DENND1B: variants seen among roughly 807,000 people sequenced by gnomAD.
The protein encoded by DENND1B is DENN domain containing 1B.
Under a neutral mutation model 90.1 loss-of-function variants are expected in DENND1B, and 59 were observed. The observed-to-expected ratio is 0.65, with a 90% CI of 0.53 to 0.81. DENND1B has a LOEUF of 0.81. Ranked by LOEUF, DENND1B falls within the 40% of genes least tolerant of loss-of-function variation. The pLI is 0.00. For missense variants in DENND1B, 862 were observed against 912.6 expected, an observed-to-expected ratio of 0.94 and a Z score of 0.71; for synonymous variants, 337 against 324.6, an observed-to-expected ratio of 1.04 and a Z score of -0.41.
Position 197,595,283 on chromosome 1 carries a change from A to G in DENND1B, c.972T>C (p.Asp324=). ...KLKKQSTATG[D]GVARAFLRAQ... ...CTCTAAGAAAGGCCCTAGCTACTCC[A>G]TCACCCGTAGCTGTAGACTGCTTCT... Residue 324 remains aspartate, a synonymous_variant, in exon 14 of 23, where the codon GAT becomes GAC. Coordinates refer to ENST00000620048, the MANE Select transcript of DENND1B (RefSeq NM_001195215.2). The G allele has an allele frequency of 6.2e-7, 1 of 1,613,336 alleles. No individual in the cohort carries two copies. The highest frequency in any genetic ancestry group is 8.5e-7 in the Non-Finnish European group (1 of 1,179,390).
At chr1:197,746,116 G>C (rs1333252320) in intron 2 of DENND1B, among the ~76,000 whole-genome samples, 1 of 152,218 alleles carries the variant, frequency 6.6e-6, no homozygotes, top group Non-Finnish European at 1.5e-5. Flanking sequence ...TACAAGGCCA[G>C]CATGTTTGCT....
At chr1:197,780,221 C>T (rs1018433917), upstream of DENND1B, among the ~76,000 whole-genome samples, 1 of 151,992 alleles carries the variant, frequency 6.6e-6, no homozygotes, top group African/African-American at 2.4e-5. Flanking sequence ...GGATTTCCCA[C>T]ATTAGGAAGG....
chr1:197,748,836 G>T (rs1015883437), intron 2 of DENND1B, among the ~76,000 whole-genome samples: 1 of 152,056 alleles, frequency 6.6e-6, no homozygotes, highest in African/African-American at 2.4e-5. Flanking sequence ...ATGGTAATTT[G>T]TTATGGCAAA....
chr1:197,690,159 G>T, intron 3 of DENND1B: 1 of 280,674 alleles, frequency 3.6e-6, no homozygotes. Context: ...AGCTTTGAGT[G>T]AAGCTCTTCC....
At chr1:197,647,296 C>T (rs1680806361) in intron 7 of DENND1B, among the ~76,000 whole-genome samples, 182 bp from the exon 8 acceptor site, 1 of 151,962 alleles carries the variant, frequency 6.6e-6, no homozygotes, top group Non-Finnish European at 1.5e-5. Flanking sequence ...TAGAAAAATC[C>T]TAATGAAAGT....
intron 10 of DENND1B, among the ~76,000 whole-genome samples, chr1:197,642,333 C>A (rs913249008): frequency 6.6e-6 from 1 of 152,114 alleles, no homozygotes; most frequent in African/African-American, 2.4e-5. Context: ...AGGATAGCAG[C>A]TATTATCATG....
intron 20 of DENND1B, 119 bp from the exon 21 acceptor site, chr1:197,513,072 G>A (rs1668145082): frequency 2.7e-6 from 2 of 730,710 alleles, no homozygotes; most frequent in African/African-American, 1.8e-5. Flanking sequence ...ATGCATTCAG[G>A]GTTTTTGAAT....
At position 197,586,528 on chromosome 1, in the gene DENND1B, T is replaced by A. The variant is rs563093307; in HGVS notation, c.1048-3275A>T. On this transcript the variant is annotated intron_variant, in intron 14 of 22. Transcript: ENST00000620048. Reference sequence around the variant, plus strand: ...AACCACTGATATCGACAGTAACAAGTAGGGGTCAAAGGTGACTTCCAGATT... The same window carrying A: ...AACCACTGATATCGACAGTAACAAGAAGGGGTCAAAGGTGACTTCCAGATT... Among the ~76,000 whole-genome samples, 39 of 152,210 alleles carry A rather than the reference T, an allele frequency of 2.6e-4. No homozygotes were observed. The South Asian group carries it at 8.1e-3, about 32-fold the overall frequency.
chr1:197,619,627 C>T (rs954216555), intron 10 of DENND1B, among the ~76,000 whole-genome samples: 6 of 151,130 alleles, frequency 4.0e-5, no homozygotes, highest in Non-Finnish European at 8.9e-5. Flanking sequence ...TTTAATACCT[C>T]ACTTTATTTC....
At chr1:197,690,566 A>T in intron 3 of DENND1B, 1 of 233,778 alleles carries the variant, frequency 4.3e-6, no homozygotes, top group South Asian at 7.2e-5. Context: ...TCTTCAAAGC[A>T]GTGGACAAGA....
chr1:197,595,588 G>C (rs781751963), intron 13 of DENND1B, among the ~76,000 whole-genome samples: 1 of 151,988 alleles, frequency 6.6e-6, no homozygotes, highest in Non-Finnish European at 1.5e-5. Context: ...ACATAAATAA[G>C]CTTTAATTAT....
intron 5 of DENND1B, among the ~76,000 whole-genome samples, chr1:197,661,280 A>C (rs1353523369): frequency 6.6e-6 from 1 of 152,112 alleles, no homozygotes; most frequent in Non-Finnish European, 1.5e-5. Flanking sequence ...GCAAATCAGC[A>C]CATCATAGTT....
At chr1:197,527,318 G>GT (rs961863029) in intron 20 of DENND1B, among the ~76,000 whole-genome samples, 24 of 148,232 alleles carry the variant, frequency 1.6e-4, no homozygotes, top group Admixed American at 5.4e-4. Flanking sequence ...TTTTGTTTTT[G>GT]TTTTTTTTCT....
chr1:197,594,438 A>C (rs1215793929), intron 14 of DENND1B, among the ~76,000 whole-genome samples: 1 of 152,174 alleles, frequency 6.6e-6, no homozygotes, highest in South Asian at 2.1e-4. Flanking sequence ...AAATGGGTCA[A>C]GGTTACGCAG....
intron 10 of DENND1B, among the ~76,000 whole-genome samples, chr1:197,626,847 T>C (rs973736648): frequency 1.3e-5 from 2 of 151,888 alleles, no homozygotes; most frequent in African/African-American, 2.4e-5. Flanking sequence ...AAAGAGGATA[T>C]CACCACCAAT....
chr1:197,657,419 T>C (rs1653956223), intron 6 of DENND1B, among the ~76,000 whole-genome samples: 1 of 152,124 alleles, frequency 6.6e-6, no homozygotes, highest in African/African-American at 2.4e-5. Flanking sequence ...CAGGTTGTAA[T>C]TTTCTGTCTG....
chr1:197,752,164 G>A (rs181479928), intron 2 of DENND1B, among the ~76,000 whole-genome samples: 1 of 152,000 alleles, frequency 6.6e-6, no homozygotes, highest in Non-Finnish European at 1.5e-5. Context: ...TAAAAAAAGA[G>A]AGGTGATATG....
At chr1:197,777,879 CA>C, upstream of DENND1B, among the ~76,000 whole-genome samples, 2 of 152,112 alleles carry the variant, frequency 1.3e-5, no homozygotes, top group South Asian at 4.1e-4. Flanking sequence ...ATATATTCTG[CA>C]GCTTTGGGGT....
At chr1:197,655,680 C>T (rs895907212) in intron 6 of DENND1B, among the ~76,000 whole-genome samples, 3 of 152,126 alleles carry the variant, frequency 2.0e-5, no homozygotes, top group Admixed American at 6.5e-5. Flanking sequence ...TACAGGCGCC[C>T]GCCACCACAC....
Sources: gnomAD v4.1 joint callset for allele counts (sites outside exome capture counted in the v4.1 genomes callset) on GRCh38, gnomAD v4.1.1 for gene constraint, MANE v1.5 for transcripts, NCBI Gene and HGNC (gene_info 2026-07-23, HGNC 2026-07-21) for gene names.